Variants in TEC observed in about 807,000 individuals in gnomAD.
The protein encoded by TEC is tec protein tyrosine kinase.
TEC carries 72 observed loss-of-function variants against 93.0 expected under a neutral mutation model. The ratio of observed to expected loss-of-function variants is 0.77; its 90% confidence interval spans 0.64 to 0.94. The LOEUF is 0.94. Among genes scored for constraint, TEC ranks in the 40% least tolerant of loss-of-function variants. The pLI, the probability that TEC is intolerant of heterozygous loss-of-function variation, is 0.00. For missense variants in TEC, 630 were observed against 757.9 expected, an observed-to-expected ratio of 0.83 and a Z score of 1.98; for synonymous variants, 249 against 247.7, an observed-to-expected ratio of 1.01 and a Z score of -0.05.
At chr4:48,149,534 G>A (rs1051058989) in intron 11 of TEC, 23 bp downstream of exon 11, 3 of 1,569,618 alleles carry the variant, frequency 1.9e-6, no homozygotes, top group Non-Finnish European at 2.6e-6. Context: ...TATATTTGAA[G>A]TAGGTTTTCA....
intron 5 of TEC, among the ~76,000 whole-genome samples, chr4:48,169,796 G>A (rs147259752): frequency 1.3e-5 from 2 of 152,274 alleles, no homozygotes; most frequent in East Asian, 1.9e-4. Flanking sequence ...ACATTTACAT[G>A]TGAGTATCAT....
rs1307730730 is a variant in TEC, at chr4:48,156,754, C to T, written c.738-20G>A. 98 of 1,586,112 alleles carry T rather than the reference C, an allele frequency of 6.2e-5. No individual in the cohort carries two copies. Among genetic ancestry groups the T allele is most frequent in the Non-Finnish European group, 7.8e-5 (91 of 1,170,676 alleles). Reference sequence around the variant, plus strand: ...TACCATCTGAACAGAAAAAACAATACATTTCAGGCCTCAGGTTTTTAGGAT... The same window carrying T: ...TACCATCTGAACAGAAAAAACAATATATTTCAGGCCTCAGGTTTTTAGGAT... On this transcript the variant is annotated intron_variant, in intron 8 of 17. Transcript: ENST00000381501.
intron 1 of TEC, among the ~76,000 whole-genome samples, chr4:48,241,431 G>C (rs1723920040): frequency 6.6e-6 from 1 of 152,156 alleles, no homozygotes; most frequent in South Asian, 2.1e-4. Context: ...CCACCATACT[G>C]AGAAAAGCTC....
chr4:48,258,767 CCT>C (rs1236268278), intron 1 of TEC, among the ~76,000 whole-genome samples: 1 of 152,076 alleles, frequency 6.6e-6, no homozygotes, highest in Non-Finnish European at 1.5e-5. Context: ...TCTGTTTATC[CCT>C]GTCTTCCCTG....
chr4:48,244,936 C>T (rs1212106868), intron 1 of TEC, among the ~76,000 whole-genome samples: 1 of 152,204 alleles, frequency 6.6e-6, no homozygotes, highest in East Asian at 1.9e-4. Flanking sequence ...AAAGCCCAAA[C>T]AGGCAGAGTT....
chr4:48,190,040 G>A (rs1722037112), intron 2 of TEC, among the ~76,000 whole-genome samples: 2 of 152,028 alleles, frequency 1.3e-5, no homozygotes, highest in South Asian at 4.2e-4. Flanking sequence ...TGGGAAGTAG[G>A]GTGCTAACTA....
intron 11 of TEC, among the ~76,000 whole-genome samples, chr4:48,149,226 C>T (rs116000345): frequency 0.013 from 2,034 of 152,204 alleles, 48 homozygotes; most frequent in African/African-American, 0.043. Context: ...GTGTTTCTGT[C>T]TTTAGGTCTT....
chr4:48,212,110 A>AAAAAAAAAAAAAATAT lies in TEC; in HGVS notation c.138+16366_138+16367insATATTTTTTTTTTTTT. ...TGAGACTCTGTCTCAAAAAAAAAAA[A>AAAAAAAAAAAAAATAT]ATATATATATATATATATATATGTA... On this transcript the variant is annotated intron_variant, in intron 2 of 17. Transcript: ENST00000381501. Among the ~76,000 whole-genome samples the AAAAAAAAAAAAAATAT allele has an allele frequency of 1.7e-4, 21 of 122,236 alleles. 1 individual carries two copies. In the East Asian group the frequency reaches 2.3e-3, roughly 13 times the overall value. The allele number at this position is 122,236 out of a possible 152,430, so 80.2% of individuals were successfully genotyped here.
chr4:48,250,388 G>C (rs910575965), intron 1 of TEC, among the ~76,000 whole-genome samples: 1 of 152,106 alleles, frequency 6.6e-6, no homozygotes, highest in Non-Finnish European at 1.5e-5. Context: ...TTGGAATAAT[G>C]GCCCCAATTT....
intron 2 of TEC, among the ~76,000 whole-genome samples, chr4:48,187,659 G>C (rs1369984290): frequency 1.5e-4 from 23 of 152,132 alleles, no homozygotes; most frequent in Non-Finnish European, 4.4e-5. Flanking sequence ...TGTGGCCCCA[G>C]AGCTAAAACC....
At chr4:48,145,645 GA>G in intron 12 of TEC, 66 bp from the exon 13 acceptor site, 7 of 1,550,044 alleles carry the variant, frequency 4.5e-6, no homozygotes, top group Admixed American at 1.8e-5. Flanking sequence ...CAGAGAGGGG[GA>G]AAAAGAACCT....
intron 7 of TEC, among the ~76,000 whole-genome samples, chr4:48,167,269 A>G (rs552653047): frequency 8.7e-4 from 133 of 152,212 alleles, no homozygotes; most frequent in African/African-American, 3.1e-3. Flanking sequence ...ATATACACAC[A>G]TATAGACACA....
At chr4:48,138,202 CAT>C (rs1289295821) in intron 17 of TEC, among the ~76,000 whole-genome samples, 1 of 152,220 alleles carries the variant, frequency 6.6e-6, no homozygotes, top group Non-Finnish European at 1.5e-5. Flanking sequence ...GTACATAATA[CAT>C]GTGAGCTAAT....
chr4:48,229,812 G>T (rs1171073550), intron 1 of TEC, among the ~76,000 whole-genome samples: 1 of 151,826 alleles, frequency 6.6e-6, no homozygotes, highest in Non-Finnish European at 1.5e-5. Flanking sequence ...GGTGGCTCAC[G>T]CCTGTAATCC....
intron 11 of TEC, among the ~76,000 whole-genome samples, chr4:48,147,140 G>A (rs1051361876): frequency 6.6e-6 from 1 of 151,962 alleles, no homozygotes; most frequent in Admixed American, 6.6e-5. Context: ...ACAGGAACAC[G>A]GAAGAAAAAA....
intron 1 of TEC, among the ~76,000 whole-genome samples, chr4:48,237,424 C>T (rs1560421377): frequency 1.3e-5 from 2 of 151,396 alleles, no homozygotes; most frequent in East Asian, 3.9e-4. Flanking sequence ...TATTTTAAGT[C>T]AAGAGAACAG....
chr4:48,199,150 G>C (rs1722404181), intron 2 of TEC, among the ~76,000 whole-genome samples: 1 of 152,170 alleles, frequency 6.6e-6, no homozygotes, highest in Non-Finnish European at 1.5e-5. Flanking sequence ...CAGATTCAGA[G>C]CAGATCTGCC....
chr4:48,173,287 G>C (rs1400401236), intron 3 of TEC, among the ~76,000 whole-genome samples: 1 of 152,112 alleles, frequency 6.6e-6, no homozygotes, highest in Non-Finnish European at 1.5e-5. Flanking sequence ...TGTTAGACTA[G>C]CTAACCGCCT....
intron 2 of TEC, among the ~76,000 whole-genome samples, chr4:48,190,478 G>C (rs974664814): frequency 1.1e-4 from 16 of 152,158 alleles, no homozygotes; most frequent in African/African-American, 3.6e-4. Context: ...AACCTCTTTA[G>C]CAAGAACCAA....
Sources: allele counts gnomAD v4.1 joint callset (sites outside exome capture counted in the v4.1 genomes callset), GRCh38; gene constraint gnomAD v4.1.1; transcripts MANE v1.5; gene names NCBI Gene and HGNC (gene_info 2026-07-23, HGNC 2026-07-21).